Variants in NOP9 observed in about 807,000 individuals in gnomAD.
The protein encoded by NOP9 is nucleolar protein 9.
NOP9 carries 50 observed loss-of-function variants against 63.0 expected under a neutral mutation model. The observed-to-expected ratio is 0.79, with a 90% CI of 0.63 to 1.00. The LOEUF (loss-of-function observed/expected upper bound fraction) is 1.00, where lower values mean the gene tolerates loss of function less well. Among genes scored for constraint, NOP9 ranks in the 50% least tolerant of loss-of-function variants. The probability of loss-of-function intolerance (pLI) is 0.00; values close to 1 mark genes in which losing one functional copy is unlikely to be tolerated. For missense variants in NOP9, 758 were observed against 803.0 expected (o/e 0.94, Z 0.68); for synonymous variants, 343 against 332.8 (o/e 1.03, Z -0.33).
chr14:24,275,040 G>A, the NOP9 span, among the ~76,000 whole-genome samples: 1 of 151,122 alleles, frequency 6.6e-6, no homozygotes, highest in South Asian at 2.1e-4. Context: ...AGTCTCCCGA[G>A]TAGCTGGGAT....
At position 24,300,643 on chromosome 14, in the gene NOP9, AGAGGAGGAGGAGGAGGAG is replaced by A; in HGVS notation, c.492_509del (p.Glu164_Glu169del). The A allele has an allele frequency of 6.3e-7, 1 of 1,577,178 alleles. No homozygotes were observed. The highest frequency in any genetic ancestry group is 1.1e-5 in the South Asian group (1 of 90,120). ...TCCCTCGATTGCTGGGGAGTGCTGC[AGAGGAGGAGGAGGAGGAG>A]GAGGAGGATGGAAAGGATGGTCCCA... is the stretch of plus-strand genomic sequence containing the variant. On this transcript the variant is annotated inframe_deletion, in exon 2 of 10. Transcript: ENST00000267425.
chr14:24,300,764 C>CA lies in NOP9; in HGVS notation c.605dup (p.His202GlnfsTer21). Reference sequence around the variant, plus strand: ...TTTTCTTGTCTACTGTGGAGACACACATGGCAGCTTCGTGGTCAGAACTCT... The same window carrying CA: ...TTTTCTTGTCTACTGTGGAGACACACAATGGCAGCTTCGTGGTCAGAACTCT... On this transcript the variant is annotated frameshift_variant, in exon 2 of 10. Transcript: ENST00000267425. LOFTEE classifies it high-confidence loss of function. 1 of 1,614,178 alleles carries CA rather than the reference C, an allele frequency of 6.2e-7. No individual in the cohort carries two copies. Among genetic ancestry groups the CA allele is most frequent in the Non-Finnish European group, 8.5e-7 (1 of 1,180,038 alleles).
At chr14:24,274,270 G>A in the NOP9 span, among the ~76,000 whole-genome samples, 15 of 152,158 alleles carry the variant, frequency 9.9e-5, no homozygotes, top group Admixed American at 9.2e-4. Context: ...ATCACATTGT[G>A]ATTAGCAATC....
At chr14:24,274,941 CT>C in the NOP9 span, among the ~76,000 whole-genome samples, 1 of 62,376 alleles carries the variant, frequency 1.6e-5, no homozygotes, top group African/African-American at 5.7e-5. Context: ...ACAAATTTTG[CT>C]TTTGTTGCCC....
chr14:24,296,998 C>CTCTG (rs1332216653), upstream of NOP9: 1 of 1,412,900 alleles, frequency 7.1e-7, no homozygotes, highest in African/African-American at 1.4e-5. Context: ...GGAGAGCCTG[C>CTCTG]TGCAGAGGCA....
chr14:24,301,634 G>GGAAT lies in NOP9; in HGVS notation c.722_725dup (p.Cys242Ter). 1.2e-6 allele frequency: 2 copies of GGAAT among 1,614,164 alleles called. No individual in the cohort carries two copies. Among genetic ancestry groups the GGAAT allele is most frequent in the Non-Finnish European group, 1.7e-6 (2 of 1,180,024 alleles). On this transcript the variant is annotated frameshift_variant, in exon 3 of 10. Transcript: ENST00000267425. LOFTEE classifies it high-confidence loss of function. ...CAGAAGCACAGAAGACCCCAGCTCAGGAATGTAAGCCAGCTGATTTTGAAG... is the reference window on the plus strand; with the variant it reads ...CAGAAGCACAGAAGACCCCAGCTCAGGAATGAATGTAAGCCAGCTGATTTTGAAG...
At chr14:24,273,660 C>G in the NOP9 span, among the ~76,000 whole-genome samples, 2 of 152,208 alleles carry the variant, frequency 1.3e-5, no homozygotes, top group African/African-American at 4.8e-5. Flanking sequence ...TATTGGTTCT[C>G]TTTGTGCCAG....
In NOP9 at chr14:24,300,114, C is replaced by T. The variant is rs532653052; in HGVS notation, c.160C>T (p.His54Tyr). The T allele has an allele frequency of 3.1e-6, 5 of 1,613,538 alleles. No homozygotes were observed. The highest frequency in any genetic ancestry group is 4.2e-6 in the Non-Finnish European group (5 of 1,179,920). ...GCGCTCGGAGCCGGCTCCAGATTCG[C>T]ACCCGCACCTGAGCCCGGAAGCTCT... ...DGRSEPAPDS[H>Y]PHLSPEALGY... Residue 54 changes from histidine (H) to tyrosine (Y), a missense_variant, in exon 1 of 10, where the codon CAC becomes TAC. Transcript: ENST00000267425.
rs764447726 is a variant in NOP9, at chr14:24,301,722, G to C, written c.808G>C (p.Val270Leu). Residue 270 changes from valine to leucine, a missense_variant and splice_region_variant, in exon 3 of 10, where the codon GTG (valine) becomes CTG (leucine). By Grantham distance (32) the Val-to-Leu change is conservative. Coordinates refer to ENST00000267425, the MANE Select transcript of NOP9 (RefSeq NM_174913.3). The stretch of plus-strand genomic sequence containing the variant: ...CTCCTCCTTTCTGAAGGACATTGCA[G>C]GTAAGGAGGGAAGTAGGAGGATGGT... ...LSSSFLKDIAVFITDKISSFC... is the reference protein window; with the variant it reads ...LSSSFLKDIALFITDKISSFC... 2 of 1,613,900 alleles carry C rather than the reference G, an allele frequency of 1.2e-6. No individual in the cohort carries two copies. The highest frequency in any genetic ancestry group is 1.7e-6 in the Non-Finnish European group (2 of 1,179,900).
the NOP9 span, among the ~76,000 whole-genome samples, chr14:24,273,383 T>C: frequency 6.6e-6 from 1 of 152,296 alleles, no homozygotes; most frequent in Admixed American, 6.5e-5. Context: ...TTCACCATGT[T>C]GGCCAGGCTG....
At position 24,300,004 on chromosome 14, in the gene NOP9, C is replaced by T. The variant is rs770904987; in HGVS notation, c.50C>T (p.Ala17Val). 6.2e-7 allele frequency: 1 copy of T among 1,600,456 alleles called. No homozygotes were observed. Among genetic ancestry groups the T allele is most frequent in the African/African-American group, 1.3e-5 (1 of 74,612 alleles). ...SPHKVGRRFP[A>V]GGKRGRGAKG... The stretch of plus-strand genomic sequence containing the variant: ...CACAAGGTGGGGCGCCGGTTCCCAG[C>T]TGGTGGCAAACGGGGGCGCGGGGCC... Residue 17 changes from alanine (A) to valine (V), a missense_variant, in exon 1 of 10, where the codon GCT (alanine) becomes GTT (valine). Coordinates refer to ENST00000267425, the MANE Select transcript of NOP9 (RefSeq NM_174913.3).
At chr14:24,303,012 C>T (rs2041403682) in intron 5 of NOP9, 62 bp from the exon 6 acceptor site, 1 of 1,460,704 alleles carries the variant, frequency 6.8e-7, no homozygotes, top group Non-Finnish European at 9.1e-7. Context: ...GGGAAGATTT[C>T]TCTGAATAAT....
intron 3 of NOP9, 53 bp from the exon 4 acceptor site, chr14:24,301,912 G>T (rs1033721984): frequency 3.2e-6 from 5 of 1,576,900 alleles, no homozygotes; most frequent in East Asian, 2.2e-5. Context: ...TTGAGGTTAC[G>T]CAGGTTGTCT....
the NOP9 span, chr14:24,291,264 CAG>C: frequency 1.3e-6 from 2 of 1,595,484 alleles, no homozygotes; most frequent in Non-Finnish European, 1.7e-6. Context: ...GGGGAGTATG[CAG>C]AGTGACAAGG....
chr14:24,303,322 C>G (rs2041411449), intron 6 of NOP9, 108 bp downstream of exon 6: 2 of 1,386,332 alleles, frequency 1.4e-6, no homozygotes, highest in South Asian at 1.2e-5. Context: ...AAGTCTAATG[C>G]CCAAGGAGTT....
At chr14:24,301,306 G>A (rs1302773550) in intron 2 of NOP9, among the ~76,000 whole-genome samples, 1 of 152,096 alleles carries the variant, frequency 6.6e-6, no homozygotes, top group East Asian at 1.9e-4. Flanking sequence ...CTTGAGCTGT[G>A]ATCCACATTT....
the NOP9 span, among the ~76,000 whole-genome samples, chr14:24,289,503 C>T: frequency 1.3e-5 from 2 of 152,190 alleles, no homozygotes; most frequent in Admixed American, 6.5e-5. Flanking sequence ...ACCACATAGG[C>T]AACTGCCTGT....
Position 24,306,149 on chromosome 14 carries a change from C to T in NOP9, c.*1054C>T, listed in dbSNP as rs961135006. ...GACAGCACTCCACTCTGTAGGACAC[C>T]CTTGTCAGTGCAGTAGATCCTCATA... is the stretch of plus-strand genomic sequence containing the variant. On this transcript the variant is annotated 3_prime_UTR_variant, in exon 10 of 10. Transcript: ENST00000267425. The T allele has an allele frequency of 6.2e-7, 1 of 1,611,084 alleles. No homozygotes were observed. The highest frequency in any genetic ancestry group is 2.2e-5 in the East Asian group (1 of 44,850).
chr14:24,300,625 A>G lies in NOP9; in HGVS notation c.465A>G (p.Arg155=), dbSNP rs773205026. 1.9e-6 allele frequency: 3 copies of G among 1,607,346 alleles called. No homozygotes were observed. The highest frequency in any genetic ancestry group is 1.1e-5 in the South Asian group (1 of 90,850). ...AAAGTGCTTTGCTACAGCTCCCTCG[A>G]TTGCTGGGGAGTGCTGCAGAGGAGG... ...VLQSALLQLP[R]LLGSAAEEEE... The change falls in exon 2 of 10, where the codon CGA becomes CGG. Residue 155 remains arginine (R), a synonymous_variant. Coordinates refer to ENST00000267425, the MANE Select transcript of NOP9 (RefSeq NM_174913.3).
Sources: gnomAD v4.1 joint callset for allele counts (sites outside exome capture counted in the v4.1 genomes callset) on GRCh38, gnomAD v4.1.1 for gene constraint, MANE v1.5 for transcripts, NCBI Gene and HGNC (gene_info 2026-07-23, HGNC 2026-07-21) for gene names.